Variants in MTA3 observed in about 807,000 individuals in gnomAD.
MTA3 encodes the protein metastasis-associated protein MTA3.
In MTA3, 34 loss-of-function variants were observed where a neutral mutation model predicts 83.5. The ratio of observed to expected loss-of-function variants is 0.41; its 90% CI spans 0.31 to 0.54. MTA3 has a LOEUF of 0.54. MTA3 is among the 20% of genes least tolerant of loss of function. The pLI, the probability that MTA3 is intolerant of heterozygous loss-of-function variation, is 0.33. For synonymous variants in MTA3, 303 were observed against 252.7 expected, an observed-to-expected ratio of 1.20 and a Z score of -1.89; for missense variants, 761 against 726.4, an observed-to-expected ratio of 1.05 and a Z score of -0.55.
Position 42,568,736 on chromosome 2 carries a change from GC to G in MTA3, c.-9del. 2 of 1,216,744 alleles carry G rather than the reference GC, an allele frequency of 1.6e-6. No individual in the cohort carries two copies. Among genetic ancestry groups the G allele is most frequent in the South Asian group, 8.2e-5 (2 of 24,280 alleles). The allele number at this position is 1,216,744 out of a possible 1,614,324, so 75.4% of individuals were successfully genotyped here. On this transcript the variant is annotated 5_prime_UTR_variant, in exon 1 of 17. Coordinates refer to ENST00000405094, the MANE Select transcript of MTA3 (RefSeq NM_001330442.2). ...GGCTCGGCTCGGGCTCCGCGGGCGG[GC>G]GGGCGGACATGGCGGCCAACATGTA...
chr2:42,748,271 G>A (rs558526382), intron 16 of MTA3, among the ~76,000 whole-genome samples: 12 of 149,782 alleles, frequency 8.0e-5, no homozygotes, highest in African/African-American at 2.7e-4. Flanking sequence ...TCACCGTGTT[G>A]GCCAGGATGG....
chr2:42,711,086 AAAT>A (rs1558609270), intron 14 of MTA3, among the ~76,000 whole-genome samples: 1 of 151,910 alleles, frequency 6.6e-6, no homozygotes, highest in African/African-American at 2.4e-5. Flanking sequence ...AAAAATAAAT[AAAT>A]AAATAAAAAT....
chr2:42,579,718 G>A (rs1457816423), intron 3 of MTA3, among the ~76,000 whole-genome samples: 1 of 151,994 alleles, frequency 6.6e-6, no homozygotes, highest in Non-Finnish European at 1.5e-5. Flanking sequence ...TTCAGTGGTG[G>A]ATTTTTCTTT....
At chr2:42,530,274 G>A (rs1305363817) in intron 2 of MTA3, among the ~76,000 whole-genome samples, 1 of 151,874 alleles carries the variant, frequency 6.6e-6, no homozygotes, top group Non-Finnish European at 1.5e-5. Context: ...CGGATCATGA[G>A]GTCAGGAGAT....
chr2:42,589,177 A>G (rs995730730), intron 3 of MTA3, among the ~76,000 whole-genome samples: 2 of 152,194 alleles, frequency 1.3e-5, no homozygotes, highest in African/African-American at 2.4e-5. Flanking sequence ...TATTTCAACC[A>G]GTATACTCAA....
chr2:42,509,629 G>C (rs1172172412), intron 2 of MTA3, among the ~76,000 whole-genome samples: 1 of 152,058 alleles, frequency 6.6e-6, no homozygotes, highest in Non-Finnish European at 1.5e-5. Flanking sequence ...AAATTAGCCA[G>C]GCGTGGTGGC....
intron 16 of MTA3, among the ~76,000 whole-genome samples, chr2:42,724,201 C>G (rs1352994415): frequency 6.6e-6 from 1 of 150,882 alleles, no homozygotes; most frequent in African/African-American, 2.4e-5. Flanking sequence ...TAGAATCTCT[C>G]TTTTCCATTA....
chr2:42,498,018 T>C (rs1005329897), intron 2 of MTA3, among the ~76,000 whole-genome samples: 3 of 152,078 alleles, frequency 2.0e-5, no homozygotes, highest in African/African-American at 4.8e-5. Flanking sequence ...TCCATCACTT[T>C]GCATTGCATA....
intron 6 of MTA3, among the ~76,000 whole-genome samples, chr2:42,651,873 C>T (rs978456166): frequency 6.6e-6 from 1 of 150,478 alleles, no homozygotes; most frequent in African/African-American, 2.4e-5. Flanking sequence ...TTGGGTGGAT[C>T]GCCTGAGGTC....
chr2:42,567,935 T>A (rs1459748389), upstream of MTA3: 2 of 152,240 alleles, frequency 1.3e-5, no homozygotes, highest in African/African-American at 2.4e-5. Flanking sequence ...AGGGCCTCCA[T>A]CTGGGTGTTG....
In MTA3 at chr2:42,644,172, C is replaced by G. The variant is rs368239450; in HGVS notation, c.427C>G (p.Leu143Val). Residue 143 changes from leucine to valine, a missense_variant, in exon 6 of 17, where the codon CTA becomes GTA. By Grantham distance (32) the Leu-to-Val change is conservative. Coordinates refer to ENST00000405094, the MANE Select transcript of MTA3 (RefSeq NM_001330442.2). ...SLVYDPSLKT[L>V]LADKGEIRVG... Reference sequence around the variant, plus strand: ...GGTCTATGACCCCTCATTGAAAACACTATTAGCTGACAAAGGTGAAATCAG... The same window carrying G: ...GGTCTATGACCCCTCATTGAAAACAGTATTAGCTGACAAAGGTGAAATCAG... The G allele has an allele frequency of 8.7e-6, 14 of 1,612,938 alleles. No individual in the cohort carries two copies. The highest frequency in any genetic ancestry group is 2.7e-5 in the African/African-American group (2 of 74,848).
chr2:42,594,587 C>T (rs1472018408), intron 3 of MTA3, among the ~76,000 whole-genome samples: 1 of 145,542 alleles, frequency 6.9e-6, no homozygotes, highest in African/African-American at 2.5e-5. Context: ...AAAAATGGTG[C>T]CTTGGTGGGA....
At chr2:42,580,354 TAA>T (rs1442458363) in intron 3 of MTA3, among the ~76,000 whole-genome samples, 1 of 151,872 alleles carries the variant, frequency 6.6e-6, no homozygotes, top group East Asian at 1.9e-4. Context: ...TTTATTTAAT[TAA>T]TTTTATTTAT....
At chr2:42,721,887 A>C (rs920757311) in intron 15 of MTA3, among the ~76,000 whole-genome samples, 3 of 152,120 alleles carry the variant, frequency 2.0e-5, no homozygotes, top group Non-Finnish European at 4.4e-5. Flanking sequence ...TTGTCATGTC[A>C]TGTTGGAGAA....
intron 12 of MTA3, among the ~76,000 whole-genome samples, chr2:42,707,294 A>G (rs1273898000): frequency 2.0e-5 from 3 of 150,760 alleles, no homozygotes; most frequent in Admixed American, 6.6e-5. Context: ...CCCAGGCTGG[A>G]GTGCAGTGGC....
At chr2:42,516,287 C>T (rs1038491388) in intron 2 of MTA3, among the ~76,000 whole-genome samples, 2 of 152,060 alleles carry the variant, frequency 1.3e-5, no homozygotes, top group Non-Finnish European at 2.9e-5. Flanking sequence ...GATTTTTGAC[C>T]GCACTTGGAT....
At chr2:42,688,885 C>A (rs146568053) in intron 9 of MTA3, among the ~76,000 whole-genome samples, 1 of 152,172 alleles carries the variant, frequency 6.6e-6, no homozygotes, top group African/African-American at 2.4e-5. Context: ...GTGATAAGAG[C>A]AACATCCTTT....
chr2:42,752,874 T>C (rs1669986932), intron 16 of MTA3, among the ~76,000 whole-genome samples: 1 of 152,126 alleles, frequency 6.6e-6, no homozygotes, highest in Non-Finnish European at 1.5e-5. Context: ...TTATATATTT[T>C]ATTGGCCCTA....
At chr2:42,552,637 A>AAAAAAG (rs1553341298) in intron 2 of MTA3, among the ~76,000 whole-genome samples, 33 of 151,700 alleles carry the variant, frequency 2.2e-4, no homozygotes, top group African/African-American at 7.2e-4. Flanking sequence ...AAAAAAAAAA[A>AAAAAAG]AAGAAGAAGA....
Sources: gnomAD v4.1 joint callset for allele counts (sites outside exome capture counted in the v4.1 genomes callset) on GRCh38, gnomAD v4.1.1 for gene constraint, MANE v1.5 for transcripts, NCBI Gene and HGNC (gene_info 2026-07-23, HGNC 2026-07-21) for gene names.